The following OR2L13 variants were observed in gnomAD, a reference collection of about 807,000 sequenced individuals.
OR2L13 encodes the protein olfactory receptor family 2 subfamily L member 13.
OR2L13 carries 14 observed loss-of-function variants against 15.3 expected under a neutral mutation model. That is an observed-to-expected ratio of 0.91 (90% confidence interval 0.60 to 1.43). OR2L13 has a LOEUF of 1.43. Ranked by LOEUF, OR2L13 falls within the 40% of genes most tolerant of loss-of-function variation. The probability of loss-of-function intolerance (pLI) is 0.00; values close to 1 mark genes in which losing one functional copy is unlikely to be tolerated. For missense variants in OR2L13, 367 were observed against 387.9 expected (o/e 0.95, Z 0.45); for synonymous variants, 152 against 142.9 (o/e 1.06, Z -0.45).
chr1:247,990,697 A>ATC, the OR2L13 span: 1 of 1,538,794 alleles, frequency 6.5e-7, no homozygotes, highest in Non-Finnish European at 9.0e-7. Context: ...TGCACTGATG[A>ATC]TAACAGGATC....
At chr1:247,984,223 A>G in the OR2L13 span, among the ~76,000 whole-genome samples, 13 of 136,296 alleles carry the variant, frequency 9.5e-5, no homozygotes, top group Admixed American at 9.0e-4. Flanking sequence ...GGAGGAGAAA[A>G]TAAGTCATTA....
At chr1:248,094,044 T>A (rs1217752135), upstream of OR2L13, among the ~76,000 whole-genome samples, 1 of 152,086 alleles carries the variant, frequency 6.6e-6, no homozygotes, top group Admixed American at 6.6e-5. Context: ...TATTGTATAT[T>A]TCAAAATAAC....
At chr1:247,965,296 A>G in the OR2L13 span, 1 of 1,443,946 alleles carries the variant, frequency 6.9e-7, no homozygotes, top group Non-Finnish European at 9.2e-7. Flanking sequence ...ATGCCATGTC[A>G]TTTTACTTTC....
chr1:247,941,172 A>G, the OR2L13 span, among the ~76,000 whole-genome samples: 1 of 152,110 alleles, frequency 6.6e-6, no homozygotes, highest in South Asian at 2.1e-4. Flanking sequence ...CTTAGTTTGC[A>G]AATATTATTT....
the OR2L13 span, among the ~76,000 whole-genome samples, chr1:248,073,617 A>T: frequency 2.6e-5 from 4 of 152,042 alleles, no homozygotes; most frequent in African/African-American, 9.7e-5. Flanking sequence ...CCTAAAACTT[A>T]AAGTGTAATA....
the OR2L13 span, among the ~76,000 whole-genome samples, chr1:247,995,495 G>A: frequency 2.0e-5 from 3 of 152,162 alleles, no homozygotes; most frequent in Non-Finnish European, 4.4e-5. Context: ...AATAATTAGA[G>A]TCAGCCTGCA....
At chr1:247,949,871 T>C in the OR2L13 span, 1 of 1,234,134 alleles carries the variant, frequency 8.1e-7, no homozygotes, top group African/African-American at 1.5e-5. Context: ...AAATATTATG[T>C]CCTTCCTAGA....
chr1:248,011,753 T>C, the OR2L13 span, among the ~76,000 whole-genome samples: 2 of 152,176 alleles, frequency 1.3e-5, no homozygotes, highest in African/African-American at 4.8e-5. Context: ...TCTGCTGCAA[T>C]TTCTGCTGTT....
At chr1:247,949,061 T>G in the OR2L13 span, 1 of 1,613,958 alleles carries the variant, frequency 6.2e-7, no homozygotes, top group South Asian at 1.1e-5. Flanking sequence ...TCTCCCTCAT[T>G]GACCTAAATT....
chr1:247,971,654 C>T, the OR2L13 span, among the ~76,000 whole-genome samples: 3 of 152,212 alleles, frequency 2.0e-5, no homozygotes, highest in Admixed American at 6.5e-5. Flanking sequence ...ACTTAAACTT[C>T]CACGCTATAA....
At chr1:247,944,111 A>T in the OR2L13 span, among the ~76,000 whole-genome samples, 43 of 152,158 alleles carry the variant, frequency 2.8e-4, no homozygotes, top group Middle Eastern at 3.4e-3. Flanking sequence ...ATCAGAAAGG[A>T]TGAGTCTTTA....
chr1:248,090,187 C>A (rs1365545931), upstream of OR2L13, among the ~76,000 whole-genome samples: 1 of 152,082 alleles, frequency 6.6e-6, no homozygotes. Flanking sequence ...ATCAGGCAGG[C>A]TGACTTGAGT....
the OR2L13 span, among the ~76,000 whole-genome samples, chr1:248,050,014 A>C: frequency 6.6e-6 from 1 of 152,210 alleles, no homozygotes; most frequent in Non-Finnish European, 1.5e-5. Flanking sequence ...GGCGATACCT[A>C]TCTGAAGAGT....
chr1:247,965,097 TTTAAG>T, the OR2L13 span: 5 of 279,744 alleles, frequency 1.8e-5, no homozygotes, highest in Admixed American at 5.3e-5. Context: ...TTACATATAA[TTTAAG>T]TTATCTCATG....
the OR2L13 span, among the ~76,000 whole-genome samples, chr1:248,058,698 C>T: frequency 9.9e-5 from 15 of 151,826 alleles, no homozygotes; most frequent in Admixed American, 3.3e-4. Context: ...ATTTGCATGC[C>T]ATTTGAATAT....
chr1:247,961,329 G>A, the OR2L13 span, among the ~76,000 whole-genome samples: 39,795 of 152,078 alleles, frequency 0.26, 5,964 homozygotes, highest in East Asian at 0.42. Flanking sequence ...GTTTGAGGAA[G>A]TATTTGTAAG....
chr1:248,049,673 A>C, the OR2L13 span, among the ~76,000 whole-genome samples: 1 of 152,202 alleles, frequency 6.6e-6, no homozygotes, highest in Non-Finnish European at 1.5e-5. Context: ...AAAAAATCCT[A>C]CTTGTTTTAC....
chr1:247,996,268 C>G, the OR2L13 span, among the ~76,000 whole-genome samples: 1 of 151,968 alleles, frequency 6.6e-6, no homozygotes, highest in Non-Finnish European at 1.5e-5. Flanking sequence ...CTGCGCCCTG[C>G]TCTTTTACAA....
the OR2L13 span, chr1:247,990,902 G>T: frequency 6.8e-7 from 1 of 1,481,142 alleles, no homozygotes. Flanking sequence ...CCCTTCATTT[G>T]TATTGCATGT....
Sources: gnomAD v4.1 joint callset for allele counts (sites outside exome capture counted in the v4.1 genomes callset) on GRCh38, gnomAD v4.1.1 for gene constraint, MANE v1.5 for transcripts, NCBI Gene and HGNC (gene_info 2026-07-23, HGNC 2026-07-21) for gene names.